Variants in SP3 observed in about 807,000 individuals in gnomAD.
SP3 encodes the protein Sp3 transcription factor, also known as transcription factor Sp3.
In SP3, 10 loss-of-function variants were observed where a neutral mutation model predicts 70.3. That is an observed-to-expected ratio of 0.14 (90% CI 0.09 to 0.24). SP3 has a LOEUF of 0.24. SP3 is among the 10% of genes least tolerant of loss of function. The pLI is 1.00. For missense variants in SP3, 825 were observed against 914.6 expected (o/e 0.90, Z 1.26); for synonymous variants, 402 against 333.5 (o/e 1.21, Z -2.24).
intron 5 of SP3, 79 bp from the exon 6 acceptor site, chr2:173,913,345 A>G: frequency 9.5e-7 from 1 of 1,054,498 alleles, no homozygotes; most frequent in Non-Finnish European, 1.3e-6. Context: ...ATATATCCCC[A>G]TGTTGAATTT....
intron 4 of SP3, among the ~76,000 whole-genome samples, chr2:173,942,520 C>A (rs1690403484): frequency 6.6e-6 from 1 of 152,166 alleles, no homozygotes; most frequent in South Asian, 2.1e-4. Flanking sequence ...CAGCCAAGAT[C>A]ATGCCACTGC....
intron 4 of SP3, among the ~76,000 whole-genome samples, chr2:173,928,418 G>A (rs912501375): frequency 6.6e-6 from 1 of 151,594 alleles, no homozygotes; most frequent in Non-Finnish European, 1.5e-5. Context: ...TAAAACTGAT[G>A]TTTCTGCCAC....
rs1689228029 is a variant in SP3 at position 173,903,462 on chromosome 2, T to C, written c.*6479A>G. On this transcript the variant is annotated 3_prime_UTR_variant, in exon 7 of 7. Transcript: ENST00000310015. ...ATATTATGCTATGAAAGGTTTCAAC[T>C]TTACTAAATGAATAAAGATGGAAAA... is the stretch of plus-strand genomic sequence containing the variant. Among the ~76,000 whole-genome samples, 1 of 152,128 alleles carries C rather than the reference T, an allele frequency of 6.6e-6. No homozygotes were observed.
At position 173,901,030 on chromosome 2, in the gene SP3, C is replaced by A. The variant is rs1343875817; in HGVS notation, c.*8911G>T. 1.3e-5 allele frequency among the ~76,000 whole-genome samples: 2 copies of A among 152,200 alleles called. No homozygotes were observed. The highest frequency in any genetic ancestry group is 3.8e-4 in the East Asian group (2 of 5,202). The stretch of plus-strand genomic sequence containing the variant: ...TACAGAGAAGGGTGGGCAGAGGAGA[C>A]TTCCTTACCGGATGTCAAGAATTTA... On this transcript the variant is annotated 3_prime_UTR_variant, in exon 7 of 7. Transcript: ENST00000310015.
chr2:173,950,658 T>TAAA (rs528534985), intron 4 of SP3, among the ~76,000 whole-genome samples: 1 of 130,546 alleles, frequency 7.7e-6, no homozygotes, highest in Non-Finnish European at 1.7e-5. Context: ...CCCTGTCTCT[T>TAAA]AAAAAAAAAA....
At chr2:173,963,972 C>G (rs1298787431) in intron 2 of SP3, 89 bp from the exon 3 acceptor site, 1 of 876,184 alleles carries the variant, frequency 1.1e-6, no homozygotes, top group Admixed American at 3.8e-5. Context: ...AAGTACGACT[C>G]GGTCCCCGCC....
chr2:173,961,405 G>A (rs2105506213), intron 3 of SP3, among the ~76,000 whole-genome samples: 1 of 152,300 alleles, frequency 6.6e-6, no homozygotes, highest in East Asian at 1.9e-4. Flanking sequence ...TCATCTGTAT[G>A]TGTATATTTC....
chr2:173,933,638 T>TCA lies in SP3; in HGVS notation c.1640-14854_1640-14853insTG, dbSNP rs71405167. ...ACAAATGACTAACATTTATAAAACT[T>TCA]TATATATATATATATATATATATAT... On this transcript the variant is annotated intron_variant, in intron 4 of 6. Transcript: ENST00000310015. Among the ~76,000 whole-genome samples, 184 of 86,558 alleles carry TCA rather than the reference T, an allele frequency of 2.1e-3. 4 individuals carry two copies. In the East Asian group the frequency reaches 0.038, roughly 18 times the overall value. 56.8% of individuals were successfully genotyped at this position (86,558 alleles called of 152,430 possible).
chr2:173,937,981 C>T (rs915372556), intron 4 of SP3, among the ~76,000 whole-genome samples: 1 of 152,150 alleles, frequency 6.6e-6, no homozygotes, highest in African/African-American at 2.4e-5. Flanking sequence ...GACTTTAGGG[C>T]AAGTCATTTA....
chr2:173,964,295 G>GGGAGGGGAGAGACGA, intron 2 of SP3, 110 bp downstream of exon 2: 2 of 553,824 alleles, frequency 3.6e-6, no homozygotes, highest in South Asian at 4.2e-5. Flanking sequence ...GGGAGTGGAG[G>GGGAGGGGAGAGACGA]GGAGGGGAGA....
At chr2:173,919,966 T>C (rs1033590317) in intron 4 of SP3, among the ~76,000 whole-genome samples, 1 of 152,166 alleles carries the variant, frequency 6.6e-6, no homozygotes, top group Admixed American at 6.5e-5. Context: ...TCCCCTAGTA[T>C]TGGAATGGAA....
intron 6 of SP3, among the ~76,000 whole-genome samples, chr2:173,911,911 T>G (rs1036228779): frequency 1.1e-4 from 16 of 139,584 alleles, no homozygotes; most frequent in African/African-American, 3.8e-4. Context: ...CGCCGCCCCA[T>G]GGGCTCAAGC....
rs1270713909 is a variant in SP3 at position 173,902,237 on chromosome 2, G to T, written c.*7704C>A. On this transcript the variant is annotated 3_prime_UTR_variant, in exon 7 of 7. Transcript: ENST00000310015. ...CCTTTTAAATTTCTTACTTATACTT[G>T]CTTTTCTTCCAGATGAATCTAGAAT... 2.0e-5 allele frequency among the ~76,000 whole-genome samples: 3 copies of T among 152,042 alleles called. No individual in the cohort carries two copies. Among genetic ancestry groups the T allele is most frequent in the African/African-American group, 4.8e-5 (2 of 41,406 alleles).
rs1020137883 is a variant in SP3 at position 173,965,368 on chromosome 2, G to T, written c.-197C>A. The T allele has an allele frequency of 3.3e-6, 2 of 607,244 alleles. No homozygotes were observed. Among genetic ancestry groups the T allele is most frequent in the South Asian group, 2.1e-5 (1 of 47,590 alleles). 37.6% of individuals were successfully genotyped at this position (607,244 alleles called of 1,614,324 possible). On this transcript the variant is annotated 5_prime_UTR_variant, in exon 1 of 7. Transcript: ENST00000310015. The stretch of plus-strand genomic sequence containing the variant: ...CCTCCAGCCCAAAAGGGGGGAAGAG[G>T]GTGACAGCCCGCCCGGAACTCCCGC...
chr2:173,932,719 G>A (rs1217311580), intron 4 of SP3, among the ~76,000 whole-genome samples: 5 of 152,078 alleles, frequency 3.3e-5, no homozygotes, highest in Non-Finnish European at 7.4e-5. Context: ...AAGGTCGGGC[G>A]CAGTGGCTCA....
chr2:173,916,209 A>C (rs369044243), intron 5 of SP3: 1 of 152,110 alleles, frequency 6.6e-6, no homozygotes, highest in African/African-American at 2.4e-5. Context: ...ATTGCTTAGA[A>C]TAAGTGAGCT....
chr2:173,933,000 A>T (rs1383347645), intron 4 of SP3, among the ~76,000 whole-genome samples: 1 of 152,160 alleles, frequency 6.6e-6, no homozygotes, highest in Admixed American at 6.5e-5. Flanking sequence ...CAAAAACAAA[A>T]ATAAAAAATA....
At chr2:173,963,217 A>G (rs1238438383) in intron 3 of SP3, 1 of 152,186 alleles carries the variant, frequency 6.6e-6, no homozygotes, top group African/African-American at 2.4e-5. Context: ...CAAAAACTAA[A>G]ATTCAACGAT....
intron 4 of SP3, among the ~76,000 whole-genome samples, chr2:173,952,774 T>A (rs1222517546): frequency 3.3e-5 from 5 of 152,130 alleles, no homozygotes; most frequent in Non-Finnish European, 7.3e-5. Flanking sequence ...CTTGAAAACA[T>A]CATGCTAAAT....
Sources: gnomAD v4.1 joint callset for allele counts (sites outside exome capture counted in the v4.1 genomes callset) on GRCh38, gnomAD v4.1.1 for gene constraint, MANE v1.5 for transcripts, NCBI Gene and HGNC (gene_info 2026-07-23, HGNC 2026-07-21) for gene names.